ARHGEF12: variants seen among roughly 807,000 people sequenced by gnomAD.
The protein encoded by ARHGEF12 is KMT2A/ARHGEF12 fusion protein.
ARHGEF12 carries 66 observed loss-of-function variants against 211.2 expected under a neutral mutation model. The ratio of observed to expected loss-of-function variants is 0.31; its 90% CI spans 0.26 to 0.38. The LOEUF is 0.38. ARHGEF12 is among the 10% of genes least tolerant of loss of function. The pLI, the probability that ARHGEF12 is intolerant of heterozygous loss-of-function variation, is 1.00. For synonymous variants in ARHGEF12, 592 were observed against 638.4 expected, an observed-to-expected ratio of 0.93 and a Z score of 1.09; for missense variants, 1,429 against 1,869.5, an observed-to-expected ratio of 0.76 and a Z score of 4.34.
In ARHGEF12 at chr11:120,458,109, A is replaced by G; in HGVS notation, c.2255A>G (p.Gln752Arg). The G allele has an allele frequency of 6.2e-7, 1 of 1,608,426 alleles. No individual in the cohort carries two copies. Among genetic ancestry groups the G allele is most frequent in the Non-Finnish European group, 8.5e-7 (1 of 1,178,864 alleles). ...GACAGTGTAGCTTTTGGAGAAAGTC[A>G]AAGTGAGGATGAACAATTTGAAAAT... is the stretch of plus-strand genomic sequence containing the variant. ...KFDSVAFGES[Q>R]SEDEQFENDL... The change falls in exon 25 of 41, where the codon CAA (glutamine) becomes CGA (arginine). Residue 752 changes from glutamine to arginine, a missense_variant. By Grantham distance (43) the Gln-to-Arg change is conservative (BLOSUM62 1). Coordinates refer to ENST00000397843, the MANE Select transcript of ARHGEF12 (RefSeq NM_015313.3).
Position 120,481,269 on chromosome 11 carries a change from T to A in ARHGEF12, c.4247T>A (p.Leu1416Ter). 1 of 1,614,060 alleles carries A rather than the reference T, an allele frequency of 6.2e-7. No homozygotes were observed. The highest frequency in any genetic ancestry group is 8.5e-7 in the Non-Finnish European group (1 of 1,179,904). ...DVNLRISGNYLILDGYDPVQE... is the reference protein window; with the variant it reads ...DVNLRISGNY ...CTGTCTCTATCCATAGGAAACTATT[T>A]GATCCTTGATGGCTATGACCCAGTG... The change falls in exon 39 of 41, where the codon TTG becomes TAG. Residue 1416 changes from leucine (L) to a stop codon, truncating the protein, a stop_gained. Transcript: ENST00000397843. LOFTEE classifies it high-confidence loss of function.
At position 120,459,313 on chromosome 11, in the gene ARHGEF12, A is replaced by G; in HGVS notation, c.2520A>G (p.Gln840=). Reference sequence around the variant, plus strand: ...TTTCAAACTTGGAAGATATTCTTCAACTTCATAGTAAGAGAAATTAGCTCT... The same window carrying G: ...TTTCAAACTTGGAAGATATTCTTCAGCTTCATAGTAAGAGAAATTAGCTCT... ...KIFSNLEDIL[Q]LHIGLNEQMK... Residue 840 remains glutamine, a synonymous_variant, in exon 26 of 41, where the codon CAA becomes CAG. Transcript: ENST00000397843. 2 of 1,612,580 alleles carry G rather than the reference A, an allele frequency of 1.2e-6. No homozygotes were observed. The highest frequency in any genetic ancestry group is 8.5e-7 in the Non-Finnish European group (1 of 1,179,304).
At chr11:120,428,624 G>T (rs1945428218) in intron 8 of ARHGEF12, among the ~76,000 whole-genome samples, 1 of 152,158 alleles carries the variant, frequency 6.6e-6, no homozygotes, top group African/African-American at 2.4e-5. Flanking sequence ...GCTTAACAAA[G>T]CTTTGTTGAT....
At chr11:120,475,262 C>G in intron 32 of ARHGEF12, 78 bp from the exon 33 acceptor site, 1 of 1,306,424 alleles carries the variant, frequency 7.7e-7, no homozygotes, top group South Asian at 1.5e-5. Flanking sequence ...TAGAATTCCT[C>G]TGTTGAATCA....
At chr11:120,440,018 A>G in intron 12 of ARHGEF12, 111 bp from the exon 13 acceptor site, 1 of 776,588 alleles carries the variant, frequency 1.3e-6, no homozygotes, top group Non-Finnish European at 2.1e-6. Flanking sequence ...ATAAACAAAA[A>G]GAAATCTCAC....
chr11:120,375,605 C>T (rs574757799), intron 1 of ARHGEF12, among the ~76,000 whole-genome samples: 3 of 149,628 alleles, frequency 2.0e-5, no homozygotes, highest in Non-Finnish European at 4.4e-5. Flanking sequence ...CTAGATTTGC[C>T]GAAAATGAGA....
chr11:120,478,562 T>G (rs182237767), intron 37 of ARHGEF12, among the ~76,000 whole-genome samples, 173 bp downstream of exon 37: 48 of 152,334 alleles, frequency 3.2e-4, no homozygotes, highest in African/African-American at 1.0e-3. Context: ...GCCACTCTGT[T>G]AGCTCCCCAC....
chr11:120,469,268 G>C lies in ARHGEF12; in HGVS notation c.2855-20G>C. Reference sequence around the variant, plus strand: ...TTTTGCTCAGTTCTTTTACATTTTGGATTTCTTTCCCATATTTAGAATGGC... The same window carrying C: ...TTTTGCTCAGTTCTTTTACATTTTGCATTTCTTTCCCATATTTAGAATGGC... On this transcript the variant is annotated intron_variant, in intron 29 of 40. Transcript: ENST00000397843. 1 of 1,580,758 alleles carries C rather than the reference G, an allele frequency of 6.3e-7. No individual in the cohort carries two copies. Among genetic ancestry groups the C allele is most frequent in the Non-Finnish European group, 8.6e-7 (1 of 1,161,060 alleles).
chr11:120,453,235 A>C (rs1431457850), intron 22 of ARHGEF12, among the ~76,000 whole-genome samples: 2 of 152,192 alleles, frequency 1.3e-5, no homozygotes, highest in African/African-American at 4.8e-5. Flanking sequence ...GGATTTTGTC[A>C]AATATGGAAC....
At chr11:120,409,602 G>T (rs1944821718) in intron 4 of ARHGEF12, 152 bp downstream of exon 4, 1 of 718,828 alleles carries the variant, frequency 1.4e-6, no homozygotes, top group East Asian at 2.8e-5. Context: ...CAGGGAAAGG[G>T]AGCCTGGGGT....
chr11:120,476,453 G>A, intron 33 of ARHGEF12: 1 of 390,318 alleles, frequency 2.6e-6, no homozygotes, highest in East Asian at 3.8e-5. Flanking sequence ...TATAATCTTT[G>A]TTTTATTGAA....
intron 11 of ARHGEF12, among the ~76,000 whole-genome samples, chr11:120,433,459 C>T (rs1453849473): frequency 2.6e-5 from 4 of 152,184 alleles, no homozygotes; most frequent in Admixed American, 6.5e-5. Context: ...TGCGTCTCCT[C>T]GCTGTTTTCA....
chr11:120,476,806 A>C, intron 34 of ARHGEF12, 58 bp downstream of exon 34: 1 of 1,349,864 alleles, frequency 7.4e-7, no homozygotes, highest in South Asian at 1.3e-5. Flanking sequence ...CCCAAGCGTA[A>C]TATTCCATAA....
At chr11:120,382,403 C>CTT (rs1441314665) in intron 1 of ARHGEF12, among the ~76,000 whole-genome samples, 1 of 152,180 alleles carries the variant, frequency 6.6e-6, no homozygotes, top group East Asian at 1.9e-4. Flanking sequence ...TGTGAATAAA[C>CTT]TACAGTTTTA....
chr11:120,389,605 A>G (rs1944148430), intron 1 of ARHGEF12, among the ~76,000 whole-genome samples: 1 of 152,360 alleles, frequency 6.6e-6, no homozygotes, highest in East Asian at 1.9e-4. Context: ...TTTGTGTTAC[A>G]AACAATCCAG....
chr11:120,383,842 G>C (rs760236319), intron 1 of ARHGEF12, among the ~76,000 whole-genome samples: 1 of 152,114 alleles, frequency 6.6e-6, no homozygotes, highest in Non-Finnish European at 1.5e-5. Context: ...GAGGGGAACA[G>C]TGGAAGATTT....
intron 5 of ARHGEF12, among the ~76,000 whole-genome samples, chr11:120,421,455 T>TTTTTTG (rs1555109035): frequency 7.0e-5 from 7 of 99,962 alleles, no homozygotes; most frequent in African/African-American, 1.6e-4. Flanking sequence ...TTTTTTTTTT[T>TTTTTTG]GGAGATGGAG....
At chr11:120,366,135 G>A (rs1044998202) in intron 1 of ARHGEF12, among the ~76,000 whole-genome samples, 5 of 152,092 alleles carry the variant, frequency 3.3e-5, no homozygotes, top group African/African-American at 1.2e-4. Flanking sequence ...ATATGCCTGT[G>A]GGGCCAGCTG....
At chr11:120,374,113 T>C (rs1943662623) in intron 1 of ARHGEF12, among the ~76,000 whole-genome samples, 1 of 152,110 alleles carries the variant, frequency 6.6e-6, no homozygotes, top group African/African-American at 2.4e-5. Flanking sequence ...GGCCAAAAAA[T>C]GTATTTTTAT....
Sources: gnomAD v4.1 joint callset for allele counts (sites outside exome capture counted in the v4.1 genomes callset) on GRCh38, gnomAD v4.1.1 for gene constraint, MANE v1.5 for transcripts, NCBI Gene and HGNC (gene_info 2026-07-23, HGNC 2026-07-21) for gene names.